The following ARHGAP42 variants were observed in gnomAD, a reference collection of about 807,000 sequenced individuals.
ARHGAP42 encodes the protein rho GTPase-activating protein 42.
In ARHGAP42, 63 loss-of-function variants were observed where a neutral mutation model predicts 125.0. That is an observed-to-expected ratio of 0.50 (90% CI 0.41 to 0.62). The LOEUF is 0.62. ARHGAP42 is among the 20% of genes least tolerant of loss of function. ARHGAP42 has a pLI of 0.00. For missense variants in ARHGAP42, 766 were observed against 1,024.2 expected, an observed-to-expected ratio of 0.75 and a Z score of 3.44; for synonymous variants, 339 against 351.0, an observed-to-expected ratio of 0.97 and a Z score of 0.38.
At chr11:100,951,780 G>C (rs1380241086) in intron 12 of ARHGAP42, among the ~76,000 whole-genome samples, 5 of 152,098 alleles carry the variant, frequency 3.3e-5, no homozygotes, top group Non-Finnish European at 7.4e-5. Flanking sequence ...ATAAAATGGT[G>C]TGCGTTTCAG....
At chr11:100,877,581 T>C (rs1200287638) in intron 4 of ARHGAP42, among the ~76,000 whole-genome samples, 1 of 152,242 alleles carries the variant, frequency 6.6e-6, no homozygotes, top group Non-Finnish European at 1.5e-5. Flanking sequence ...TGAGTCTGGC[T>C]TTCCAGAGAT....
In ARHGAP42 at chr11:100,993,662, A is replaced by G. The variant is rs1256946267; in HGVS notation, c.*4861A>G. The G allele has an allele frequency of 6.0e-6, 1 of 167,082 alleles. No individual in the cohort carries two copies. The highest frequency in any genetic ancestry group is 2.4e-5 in the African/African-American group (1 of 41,456). The allele number at this position is 167,082 out of a possible 1,614,324, so 10.3% of individuals were successfully genotyped here. On this transcript the variant is annotated 3_prime_UTR_variant, in exon 24 of 24. Transcript: ENST00000298815. ...TAGTTTATATAAAAGTCGGATGTTA[A>G]GATATTATATTTCAGTACTAGGAGC...
chr11:100,723,277 A>T (rs74594440), intron 1 of ARHGAP42, among the ~76,000 whole-genome samples: 3,613 of 152,256 alleles, frequency 0.024, 69 homozygotes, highest in Non-Finnish European at 0.037. Context: ...TTCGCCTTTC[A>T]GTAAACTCCA....
intron 1 of ARHGAP42, among the ~76,000 whole-genome samples, chr11:100,721,496 G>A (rs557772329): frequency 4.7e-4 from 69 of 147,028 alleles, no homozygotes; most frequent in African/African-American, 1.3e-3. Flanking sequence ...TTTTGGAGGC[G>A]GAGTCTTGTT....
chr11:100,981,919 G>A (rs1308920399), intron 22 of ARHGAP42, among the ~76,000 whole-genome samples: 1 of 152,170 alleles, frequency 6.6e-6, no homozygotes, highest in African/African-American at 2.4e-5. Context: ...GTAGGAGGAA[G>A]GGAAAATTTT....
intron 1 of ARHGAP42, 148 bp downstream of exon 1, chr11:100,687,980 A>G (rs999985235): frequency 1.1e-6 from 1 of 901,752 alleles, no homozygotes; most frequent in Non-Finnish European, 1.6e-6. Flanking sequence ...CTGGTGGCCA[A>G]CAAAGTTTGT....
At chr11:100,939,677 A>C (rs757157170) in intron 8 of ARHGAP42, among the ~76,000 whole-genome samples, 18 of 152,156 alleles carry the variant, frequency 1.2e-4, no homozygotes, top group Non-Finnish European at 2.4e-4. Flanking sequence ...AACATCTTTT[A>C]TTTTGCAACT....
intron 2 of ARHGAP42, among the ~76,000 whole-genome samples, chr11:100,775,897 C>T (rs938462681): frequency 1.3e-5 from 2 of 152,106 alleles, no homozygotes; most frequent in African/African-American, 4.8e-5. Context: ...CGGTGGCTCA[C>T]GCTTGTAATC....
Position 100,992,515 on chromosome 11 carries a change from T to G in ARHGAP42, c.*3714T>G, listed in dbSNP as rs148668544. 432 of 1,613,998 alleles carry G rather than the reference T, an allele frequency of 2.7e-4. 2 individuals are homozygous for G. The highest frequency in any genetic ancestry group is 3.3e-4 in the Middle Eastern group (2 of 6,082). ...CACTTTTAAGAAACAAAGATAGTTT[T>G]CTGAACATTCTGTGTCCTGCCTGTC... On this transcript the variant is annotated 3_prime_UTR_variant, in exon 24 of 24. Coordinates refer to ENST00000298815, the MANE Select transcript of ARHGAP42 (RefSeq NM_152432.4).
chr11:100,978,615 T>C (rs912154899), intron 21 of ARHGAP42, among the ~76,000 whole-genome samples: 2 of 152,228 alleles, frequency 1.3e-5, no homozygotes, highest in African/African-American at 2.4e-5. Flanking sequence ...AGTTCTTTTG[T>C]CATGTTGATT....
intron 1 of ARHGAP42, among the ~76,000 whole-genome samples, chr11:100,740,084 A>G (rs190278500): frequency 4.0e-4 from 51 of 128,574 alleles, no homozygotes; most frequent in African/African-American, 1.0e-3. Context: ...TTTTTTTTTT[A>G]ATTTTCAACT....
chr11:100,779,581 C>CATATACATGCGT (rs1863248192), intron 2 of ARHGAP42, among the ~76,000 whole-genome samples: 2 of 46,326 alleles, frequency 4.3e-5, no homozygotes, highest in East Asian at 1.9e-3. Flanking sequence ...CGTATATATA[C>CATATACATGCGT]ATATATACGT....
At chr11:100,949,516 G>T (rs1868117454) in intron 11 of ARHGAP42, among the ~76,000 whole-genome samples, 1 of 152,116 alleles carries the variant, frequency 6.6e-6, no homozygotes, top group African/African-American at 2.4e-5. Flanking sequence ...GGAATAGTTT[G>T]TTAGCCCAAC....
intron 4 of ARHGAP42, among the ~76,000 whole-genome samples, chr11:100,872,681 T>A (rs898795645): frequency 2.0e-5 from 3 of 152,102 alleles, no homozygotes; most frequent in African/African-American, 7.2e-5. Flanking sequence ...AGATTTTTTT[T>A]AGCATGTAGA....
chr11:100,778,369 T>C (rs1863181989), intron 2 of ARHGAP42, among the ~76,000 whole-genome samples: 1 of 152,132 alleles, frequency 6.6e-6, no homozygotes, highest in Admixed American at 6.6e-5. Context: ...AAAAAAAATA[T>C]CCATCATTCT....
intron 3 of ARHGAP42, among the ~76,000 whole-genome samples, chr11:100,837,866 A>G (rs1864847795): frequency 8.9e-6 from 1 of 112,252 alleles, no homozygotes; most frequent in Admixed American, 1.0e-4. Context: ...TTTTTGTTAT[A>G]TTTTTATATT....
At position 100,913,542 on chromosome 11, in the gene ARHGAP42, C is replaced by T; in HGVS notation, c.475C>T (p.His159Tyr). The change falls in exon 5 of 24, where the codon CAT (histidine) becomes TAT (tyrosine). Residue 159 changes from histidine (H) to tyrosine (Y), a missense_variant. Physicochemically the swap from His to Tyr is moderately conservative, Grantham distance 83. This residue lies in a region of ARHGAP42 where 455 missense variants were observed against 636.5 expected (regional missense o/e 0.71). Transcript: ENST00000298815. Reference sequence around the variant, plus strand: ...TTTGTCCGCAAAGAAAAAGGAGTCTCATTTACAAGAGGTAAGCTTTTCCAA... The same window carrying T: ...TTTGTCCGCAAAGAAAAAGGAGTCTTATTTACAAGAGGTAAGCTTTTCCAA... ...LNLSAKKKES[H>Y]LQEADTQIDR... 1 of 1,290,632 alleles carries T rather than the reference C, an allele frequency of 7.7e-7. No homozygotes were observed. Among genetic ancestry groups the T allele is most frequent in the Non-Finnish European group, 1.0e-6 (1 of 982,580 alleles). The allele number at this position is 1,290,632 out of a possible 1,614,324, so 79.9% of individuals were successfully genotyped here. A position where few individuals can be genotyped will look rare whatever the true frequency, so the allele number is the denominator to read the frequency against.
At chr11:100,764,990 A>T (rs919672671) in intron 1 of ARHGAP42, among the ~76,000 whole-genome samples, 3 of 152,124 alleles carry the variant, frequency 2.0e-5, no homozygotes, top group African/African-American at 7.2e-5. Context: ...AAAAATGAGG[A>T]CTTGAGGAGG....
chr11:100,775,507 G>T (rs923209311), intron 2 of ARHGAP42, among the ~76,000 whole-genome samples: 1 of 152,170 alleles, frequency 6.6e-6, no homozygotes, highest in African/African-American at 2.4e-5. Flanking sequence ...GTTCCAACAT[G>T]AGTTATTTGC....
Sources: gnomAD v4.1 joint callset for allele counts (sites outside exome capture counted in the v4.1 genomes callset) on GRCh38, gnomAD v4.1.1 for gene constraint, gnomAD v4.1.1 regional missense constraint, MANE v1.5 for transcripts, NCBI Gene and HGNC (gene_info 2026-07-23, HGNC 2026-07-21) for gene names.